The following GNS variants were observed in gnomAD, a reference collection of about 807,000 sequenced individuals.
The protein encoded by GNS is N-acetylglucosamine-6-sulfatase.
In GNS, 40 loss-of-function variants were observed where a neutral mutation model predicts 69.7. The ratio of observed to expected loss-of-function variants is 0.57; its 90% confidence interval spans 0.45 to 0.75. The LOEUF (loss-of-function observed/expected upper bound fraction) is 0.75. Among genes scored for constraint, GNS ranks in the 30% least tolerant of loss-of-function variants. The pLI is 0.00. For synonymous variants in GNS, 243 were observed against 251.6 expected, an observed-to-expected ratio of 0.97 and a Z score of 0.32; for missense variants, 565 against 685.5, an observed-to-expected ratio of 0.82 and a Z score of 1.96.
intron 1 of GNS, among the ~76,000 whole-genome samples, chr12:64,756,460 T>C (rs572952610): frequency 6.6e-5 from 10 of 152,364 alleles, no homozygotes; most frequent in Admixed American, 2.0e-4. Context: ...GAATGAAATC[T>C]GATTATTATC....
At chr12:64,718,442 T>C (rs1483450147) in intron 13 of GNS, among the ~76,000 whole-genome samples, 1 of 152,250 alleles carries the variant, frequency 6.6e-6, no homozygotes, top group Admixed American at 6.5e-5. Flanking sequence ...TTCACTTCCT[T>C]ATAGGGTGAC....
intron 10 of GNS, 114 bp from the exon 11 acceptor site, chr12:64,723,227 C>T: frequency 1.4e-6 from 1 of 725,508 alleles, no homozygotes; most frequent in South Asian, 1.5e-5. Context: ...ACTGTTCATT[C>T]AGTAACTAAA....
At position 64,714,334 on chromosome 12, in the gene GNS, A is replaced by G. The variant is rs1037319060; in HGVS notation, c.*2407T>C. Reference sequence around the variant, plus strand: ...CCAACATGGACCTCACCTTCTTAACATGGAAAATCAAAATCTAAATGAATA... The same window carrying G: ...CCAACATGGACCTCACCTTCTTAACGTGGAAAATCAAAATCTAAATGAATA... On this transcript the variant is annotated 3_prime_UTR_variant, in exon 14 of 14. Transcript: ENST00000258145. 6.6e-6 allele frequency: 1 copy of G among 152,184 alleles called. No individual in the cohort carries two copies. Among genetic ancestry groups the G allele is most frequent in the Non-Finnish European group, 1.5e-5 (1 of 68,046 alleles). The allele number at this position is 152,184 out of a possible 1,614,324, so 9.4% of individuals were successfully genotyped here. A position where few individuals can be genotyped will look rare whatever the true frequency, so the allele number is the denominator to read the frequency against.
chr12:64,721,323 C>A (rs1437050460), intron 12 of GNS, among the ~76,000 whole-genome samples: 4 of 152,198 alleles, frequency 2.6e-5, no homozygotes, highest in African/African-American at 9.7e-5. Context: ...AGCTAACAGA[C>A]AAAGCATTTA....
In GNS at chr12:64,720,319, CA is replaced by C. The variant is rs1221141392; in HGVS notation, c.1420-138del. On this transcript the variant is annotated intron_variant, in intron 12 of 13. Transcript: ENST00000258145. The stretch of plus-strand genomic sequence containing the variant: ...AAAAAATCAAGGCCCTGGAGACTCT[CA>C]ATCTGTTTTCAAGATCCTCAAAGAG... 21 of 686,974 alleles carry C rather than the reference CA, an allele frequency of 3.1e-5. No individual in the cohort carries two copies. In the Admixed American group the frequency reaches 3.4e-4, roughly 11 times the overall value. 42.6% of individuals were successfully genotyped at this position (686,974 alleles called of 1,614,324 possible). A position where few individuals can be genotyped will look rare whatever the true frequency, so the allele number is the denominator to read the frequency against.
chr12:64,742,290 G>C (rs977847003), intron 6 of GNS, among the ~76,000 whole-genome samples: 8 of 152,186 alleles, frequency 5.3e-5, no homozygotes, highest in African/African-American at 1.9e-4. Flanking sequence ...AAAGTGCTGG[G>C]ATTACAGGCA....
chr12:64,752,704 G>T lies in GNS; in HGVS notation c.246C>A (p.Ser82=). The change falls in exon 2 of 14, where the codon TCC becomes TCA. Residue 82 remains serine (S), a synonymous_variant. Coordinates refer to ENST00000258145, the MANE Select transcript of GNS (RefSeq NM_002076.4). Reference sequence around the variant, plus strand: ...AATTAACTTTCAAACTTACAGCACTGGAAAAAGTCATCCCCATCTCTCCGA... The same window carrying T: ...AATTAACTTTCAAACTTACAGCACTTGAAAAAGTCATCCCCATCTCTCCGA... ...ALIGEMGMTF[S]SAYVPSALCC... is the part of the protein sequence containing the mutation. 6.7e-7 allele frequency: 1 copy of T among 1,501,950 alleles called. No individual in the cohort carries two copies. The highest frequency in any genetic ancestry group is 9.3e-7 in the Non-Finnish European group (1 of 1,079,616). 93.0% of individuals were successfully genotyped at this position (1,501,950 alleles called of 1,614,324 possible).
In GNS at chr12:64,714,839, T is replaced by G. The variant is rs1000916647; in HGVS notation, c.*1902A>C. 1 of 152,670 alleles carries G rather than the reference T, an allele frequency of 6.6e-6. No individual in the cohort carries two copies. Among genetic ancestry groups the G allele is most frequent in the African/African-American group, 2.4e-5 (1 of 41,464 alleles). The allele number at this position is 152,670 out of a possible 1,614,324, so 9.5% of individuals were successfully genotyped here. On this transcript the variant is annotated 3_prime_UTR_variant, in exon 14 of 14. Coordinates refer to ENST00000258145, the MANE Select transcript of GNS (RefSeq NM_002076.4). ...GTGAAAAAGAAAGCCGATACCCATA[T>G]TCAACAGTGCTTTCAGTTACAACAT...
In GNS at chr12:64,737,066, A is replaced by G. The variant is rs1869577032; in HGVS notation, c.1036T>C (p.Phe346Leu). ...LPIDKRQLYE[F>L]DIKVPLLVRG... ...ACCAACAGTGGAACTTTGATATCAA[A>G]CTCATACAGCTGTCTCTTGTCTATT... Residue 346 changes from phenylalanine (F) to leucine (L), a missense_variant, in exon 9 of 14, where the codon TTT (phenylalanine) becomes CTT (leucine). Phe to Leu is a conservative substitution (Grantham distance 22). Coordinates refer to ENST00000258145, the MANE Select transcript of GNS (RefSeq NM_002076.4). 1 of 1,601,382 alleles carries G rather than the reference A, an allele frequency of 6.2e-7. No individual in the cohort carries two copies. The highest frequency in any genetic ancestry group is 8.6e-7 in the Non-Finnish European group (1 of 1,168,486).
chr12:64,746,145 A>G (rs1869891848), intron 3 of GNS: 3 of 247,510 alleles, frequency 1.2e-5, no homozygotes, highest in Non-Finnish European at 2.4e-5. Flanking sequence ...AGAGCTGAAT[A>G]GTAGCAACAG....
At chr12:64,743,926 C>T (rs1869822075) in intron 5 of GNS, among the ~76,000 whole-genome samples, 1 of 152,210 alleles carries the variant, frequency 6.6e-6, no homozygotes, top group South Asian at 2.1e-4. Flanking sequence ...GTATTCCCAA[C>T]ACTAACTCAA....
At position 64,715,441 on chromosome 12, in the gene GNS, C is replaced by T. The variant is rs1868830771; in HGVS notation, c.*1300G>A. ...GCGGAGGCAGGAGAATCGCTTGAAC[C>T]CAGGAGGCGAAGGTTGCAGTGAGCT... On this transcript the variant is annotated 3_prime_UTR_variant, in exon 14 of 14. Transcript: ENST00000258145. The T allele has an allele frequency of 6.6e-6, 1 of 152,474 alleles. No individual in the cohort carries two copies. The highest frequency in any genetic ancestry group is 2.4e-5 in the African/African-American group (1 of 41,396). 9.4% of individuals were successfully genotyped at this position (152,474 alleles called of 1,614,324 possible).
intron 10 of GNS, among the ~76,000 whole-genome samples, chr12:64,728,732 CTT>C (rs780754966): frequency 3.9e-5 from 6 of 152,118 alleles, no homozygotes; most frequent in Non-Finnish European, 8.8e-5. Context: ...CCCAACCTCT[CTT>C]TATTTATGGT....
rs1274568343 is a variant in GNS at position 64,714,706 on chromosome 12, A to T, written c.*2035T>A. The T allele has an allele frequency of 6.6e-6, 1 of 152,190 alleles. No homozygotes were observed. Among genetic ancestry groups the T allele is most frequent in the Non-Finnish European group, 1.5e-5 (1 of 68,026 alleles). 9.4% of individuals were successfully genotyped at this position (152,190 alleles called of 1,614,324 possible). ...AGGAACAAGCATAAAACTGAATAAT[A>T]TGACATCACAGTCCAAGACCTGGTA... On this transcript the variant is annotated 3_prime_UTR_variant, in exon 14 of 14. Transcript: ENST00000258145.
chr12:64,757,969 T>C (rs535461483), intron 1 of GNS, among the ~76,000 whole-genome samples: 2 of 152,222 alleles, frequency 1.3e-5, no homozygotes, highest in South Asian at 2.1e-4. Flanking sequence ...CATTTGGTTT[T>C]AAAGCGAAGA....
chr12:64,728,618 A>C (rs1869286010), intron 10 of GNS, among the ~76,000 whole-genome samples: 1 of 152,170 alleles, frequency 6.6e-6, no homozygotes, highest in Admixed American at 6.5e-5. Flanking sequence ...CTGCAAATTG[A>C]TTAGCCACTT....
chr12:64,734,469 A>G (rs1290567958), intron 9 of GNS, among the ~76,000 whole-genome samples: 3 of 152,192 alleles, frequency 2.0e-5, no homozygotes, highest in Admixed American at 6.5e-5. Flanking sequence ...CCAAAGCCCT[A>G]AAGGACAATT....
intron 9 of GNS, 128 bp downstream of exon 9, chr12:64,736,876 T>C (rs963548653): frequency 6.5e-5 from 44 of 680,398 alleles, no homozygotes; most frequent in Admixed American, 9.5e-5. Flanking sequence ...TTGTTTCCAC[T>C]TAAAAACTCT....
At chr12:64,736,245 G>A (rs749238078) in intron 9 of GNS, among the ~76,000 whole-genome samples, 5 of 152,154 alleles carry the variant, frequency 3.3e-5, no homozygotes, top group South Asian at 4.1e-4. Context: ...TAGGTACCAC[G>A]TTTAGAAAAA....
Sources: allele counts gnomAD v4.1 joint callset (sites outside exome capture counted in the v4.1 genomes callset), GRCh38; gene constraint gnomAD v4.1.1; transcripts MANE v1.5; gene names NCBI Gene and HGNC (gene_info 2026-07-23, HGNC 2026-07-21).